The following LIMCH1 variants were observed in gnomAD, a reference collection of about 807,000 sequenced individuals.
LIMCH1 encodes LIM and calponin homology domains 1.
In LIMCH1, 113 loss-of-function variants were observed where a neutral mutation model predicts 176.5. That is an observed-to-expected ratio of 0.64 (90% confidence interval 0.55 to 0.75). LIMCH1 has a LOEUF of 0.75. LIMCH1 is among the 30% of genes least tolerant of loss of function. LIMCH1 has a pLI of 0.00. For synonymous variants in LIMCH1, 619 were observed against 645.9 expected (o/e 0.96, Z 0.63); for missense variants, 1,674 against 1,814.9 (o/e 0.92, Z 1.41).
intron 20 of LIMCH1, among the ~76,000 whole-genome samples, chr4:41,666,155 T>C (rs549730902): frequency 5.3e-5 from 8 of 152,368 alleles, no homozygotes; most frequent in South Asian, 2.1e-4. Flanking sequence ...TTAGCACTTA[T>C]GGAGTAAGAT....
chr4:41,696,729 A>G (rs905760046), intron 31 of LIMCH1, among the ~76,000 whole-genome samples: 1 of 152,226 alleles, frequency 6.6e-6, no homozygotes, highest in African/African-American at 2.4e-5. Context: ...TTTCTAGATC[A>G]TATGTCAAAT....
Position 41,488,419 on chromosome 4 carries a change from C to T in LIMCH1, c.97-6117C>T, listed in dbSNP as rs552161185. Among the ~76,000 whole-genome samples, 7 of 152,144 alleles carry T rather than the reference C, an allele frequency of 4.6e-5. 1 individual carries two copies. Among genetic ancestry groups the T allele is most frequent in the African/African-American group, 1.7e-4 (7 of 41,528 alleles). ...TTTTAAATGGGATCTTTCTTAATTTCTTTATTTTGGGAAAACTCGATATTC... is the reference window on the plus strand; with the variant it reads ...TTTTAAATGGGATCTTTCTTAATTTTTTTATTTTGGGAAAACTCGATATTC... On this transcript the variant is annotated intron_variant, in intron 1 of 26. Coordinates refer to the LIMCH1 transcript ENST00000313860.
intron 1 of LIMCH1, among the ~76,000 whole-genome samples, chr4:41,372,019 G>A (rs1188122425): frequency 6.6e-6 from 1 of 152,162 alleles, no homozygotes; most frequent in African/African-American, 2.4e-5. Context: ...AAACAAAATA[G>A]GATAGTAGAG....
intron 1 of LIMCH1, among the ~76,000 whole-genome samples, chr4:41,371,968 T>C (rs2054031520): frequency 6.6e-6 from 1 of 152,240 alleles, no homozygotes. Flanking sequence ...AGATTTTTAT[T>C]AACACTTGCG....
chr4:41,589,202 A>C (rs2087031661), intron 1 of LIMCH1, among the ~76,000 whole-genome samples: 1 of 152,214 alleles, frequency 6.6e-6, no homozygotes, highest in Non-Finnish European at 1.5e-5. Flanking sequence ...ATCCTGGAAG[A>C]AGAGGGACTA....
chr4:41,487,653 C>CTTTTTTTTTT (rs149754932), intron 1 of LIMCH1, among the ~76,000 whole-genome samples: 2 of 108,176 alleles, frequency 1.8e-5, no homozygotes, highest in Admixed American at 1.1e-4. Flanking sequence ...TTTTTATATT[C>CTTTTTTTTTT]TTTTTTTTTT....
intron 14 of LIMCH1, 94 bp from the exon 15 acceptor site, chr4:41,644,406 C>G: frequency 7.2e-7 from 1 of 1,387,720 alleles, no homozygotes; most frequent in South Asian, 1.6e-5. Flanking sequence ...TTTCCAAGCC[C>G]GGTAGCGCCC....
In LIMCH1 at chr4:41,699,118, A is replaced by G. The variant is rs1402626772; in HGVS notation, c.*1933A>G. Reference sequence around the variant, plus strand: ...AATGTGGATGTTTACACTTTGCATGATATTAGCAGAGTACCACTAGTAATG... The same window carrying G: ...AATGTGGATGTTTACACTTTGCATGGTATTAGCAGAGTACCACTAGTAATG... On this transcript the variant is annotated 3_prime_UTR_variant, in exon 32 of 32. Transcript: ENST00000503057. The G allele has an allele frequency of 6.6e-6, 1 of 152,202 alleles. No individual in the cohort carries two copies. The highest frequency in any genetic ancestry group is 1.5e-5 in the Non-Finnish European group (1 of 68,030). 9.4% of individuals were successfully genotyped at this position (152,202 alleles called of 1,614,324 possible).
At chr4:41,612,284 C>T (rs1209331553) in intron 4 of LIMCH1, 4 of 400,480 alleles carry the variant, frequency 1.0e-5, no homozygotes, top group Non-Finnish European at 4.4e-6. Context: ...CATTGGCTCC[C>T]GTGGGCATCC....
Position 41,530,821 on chromosome 4 carries a change from T to TAAAAA in LIMCH1, c.237+6343_237+6344insAAAAA, listed in dbSNP as rs2077197676. Among the ~76,000 whole-genome samples, 493 of 67,998 alleles carry TAAAAA rather than the reference T, an allele frequency of 7.3e-3. 1 individual carries two copies. The highest frequency in any genetic ancestry group is 0.043 in the African/African-American group (314 of 7,368). 44.6% of individuals were successfully genotyped at this position (67,998 alleles called of 152,430 possible). A position where few individuals can be genotyped will look rare whatever the true frequency, so the allele number is the denominator to read the frequency against. ...AAAAAAAAAAAAAAAAAAAAAAAATTTTTTTTTTTTTTTTTTTTTGGCCAG... is the reference window on the plus strand; with the variant it reads ...AAAAAAAAAAAAAAAAAAAAAAAATTAAAAATTTTTTTTTTTTTTTTTTTGGCCAG... On this transcript the variant is annotated intron_variant, in intron 3 of 26. Transcript: ENST00000313860.
At chr4:41,581,755 G>A (rs1001796305) in intron 1 of LIMCH1, among the ~76,000 whole-genome samples, 31 of 141,152 alleles carry the variant, frequency 2.2e-4, no homozygotes, top group African/African-American at 6.9e-4. Flanking sequence ...GCAGTGAGCC[G>A]AGATCGCGCC....
At chr4:41,638,512 G>A (rs1307588618) in intron 13 of LIMCH1, among the ~76,000 whole-genome samples, 1 of 152,218 alleles carries the variant, frequency 6.6e-6, no homozygotes, top group Non-Finnish European at 1.5e-5. Context: ...CACTTGTACA[G>A]TGGGTGTCCA....
At chr4:41,668,534 G>A (rs974369862) in intron 21 of LIMCH1, among the ~76,000 whole-genome samples, 2 of 152,090 alleles carry the variant, frequency 1.3e-5, no homozygotes, top group African/African-American at 2.4e-5. Context: ...CTTATTGTGA[G>A]GCATTTTGAT....
chr4:41,499,222 A>G (rs192642851), intron 2 of LIMCH1, among the ~76,000 whole-genome samples: 1 of 152,328 alleles, frequency 6.6e-6, no homozygotes. Flanking sequence ...AAAAGTTACA[A>G]GAATAATATA....
chr4:41,621,735 A>G (rs2092596819), intron 7 of LIMCH1, among the ~76,000 whole-genome samples: 1 of 151,062 alleles, frequency 6.6e-6, no homozygotes, highest in Admixed American at 6.6e-5. Context: ...GGTGGCTGAT[A>G]TACCCATCTT....
chr4:41,680,118 G>A lies in LIMCH1; in HGVS notation c.3612+20G>A. 6.5e-7 allele frequency: 1 copy of A among 1,531,512 alleles called. No homozygotes were observed. The highest frequency in any genetic ancestry group is 9.0e-7 in the Non-Finnish European group (1 of 1,116,834). The allele number at this position is 1,531,512 out of a possible 1,614,324, so 94.9% of individuals were successfully genotyped here. On this transcript the variant is annotated intron_variant, in intron 24 of 31. Coordinates refer to ENST00000503057, the MANE Select transcript of LIMCH1 (RefSeq NM_001330672.2). ...GAGGAGGTAGGAAATTCCCAAGAAG[G>A]AATTTGACCTTGTCATCCCAATTCC...
At chr4:41,433,758 T>A (rs1383092390) in intron 1 of LIMCH1, among the ~76,000 whole-genome samples, 1 of 152,022 alleles carries the variant, frequency 6.6e-6, no homozygotes. Flanking sequence ...GCATGTTACT[T>A]CCACCATATC....
At chr4:41,426,017 CTTTTTTTTTTT>C (rs913325890) in intron 1 of LIMCH1, among the ~76,000 whole-genome samples, 4 of 102,884 alleles carry the variant, frequency 3.9e-5, no homozygotes, top group Admixed American at 1.1e-4. Flanking sequence ...TGAAAAGATT[CTTTTTTTTTTT>C]TTTTTTTTTT....
chr4:41,627,885 C>T (rs1163809389), intron 8 of LIMCH1, among the ~76,000 whole-genome samples: 3 of 152,156 alleles, frequency 2.0e-5, no homozygotes, highest in Non-Finnish European at 4.4e-5. Flanking sequence ...GCCTGTTGAA[C>T]TTAGTATATA....
Sources: allele counts gnomAD v4.1 joint callset (sites outside exome capture counted in the v4.1 genomes callset), GRCh38; gene constraint gnomAD v4.1.1; transcripts MANE v1.5; gene names NCBI Gene and HGNC (gene_info 2026-07-23, HGNC 2026-07-21).